PIK3R2: variants seen among roughly 807,000 people sequenced by gnomAD.
PIK3R2 encodes the protein phosphoinositide-3-kinase regulatory subunit 2.
In PIK3R2, 40 loss-of-function variants were observed where a neutral mutation model predicts 78.5. The observed-to-expected ratio is 0.51, with a 90% CI of 0.40 to 0.66. PIK3R2 has a LOEUF of 0.66. Among genes scored for constraint, PIK3R2 ranks in the 30% least tolerant of loss-of-function variants. PIK3R2 has a pLI of 0.00. For missense variants in PIK3R2, 880 were observed against 1,026.6 expected, an observed-to-expected ratio of 0.86 and a Z score of 1.95; for synonymous variants, 473 against 457.7, an observed-to-expected ratio of 1.03 and a Z score of -0.43.
chr19:18,160,445 T>C (rs1295329960), intron 2 of PIK3R2, 26 bp from the exon 3 acceptor site: 2 of 1,423,490 alleles, frequency 1.4e-6, no homozygotes, highest in African/African-American at 1.4e-5. Flanking sequence ...CCCACCAACA[T>C]GCAACCCCCC....
Position 18,156,649 on chromosome 19 carries a change from C to T in PIK3R2, c.322+448C>T, listed in dbSNP as rs1162642435. Among the ~76,000 whole-genome samples the T allele has an allele frequency of 2.0e-5, 3 of 152,164 alleles. No homozygotes were observed. Among genetic ancestry groups the T allele is most frequent in the African/African-American group, 7.2e-5 (3 of 41,426 alleles). On this transcript the variant is annotated intron_variant, in intron 2 of 15. Transcript: ENST00000222254. The surrounding 1 kb of genome is among the most constrained non-coding windows in gnomAD (Gnocchi z 4.2). ...GTTCAGTAGGATTCAGAGGCTCAGCCTAGCTTCATCCTGCCTTTTGCAGAC... is the reference window on the plus strand; with the variant it reads ...GTTCAGTAGGATTCAGAGGCTCAGCTTAGCTTCATCCTGCCTTTTGCAGAC...
chr19:18,165,988 G>T, intron 11 of PIK3R2, 172 bp from the exon 12 acceptor site: 1 of 827,008 alleles, frequency 1.2e-6, no homozygotes, highest in South Asian at 1.3e-5. Context: ...GGGGGGTGGG[G>T]TTTTGAAGGC....
In PIK3R2 at chr19:18,155,986, C is replaced by T. The variant is rs768075445; in HGVS notation, c.107C>T (p.Ala36Val). Residue 36 changes from alanine to valine, a missense_variant, in exon 2 of 16, where the codon GCG (alanine) becomes GTG (valine). By Grantham distance (64) the Ala-to-Val change is moderately conservative. Around this residue, in one of 3 missense-constraint regions of PIK3R2, gnomAD observed 456 missense variants for 486.6 expected, o/e 0.94. Coordinates refer to ENST00000222254, the MANE Select transcript of PIK3R2 (RefSeq NM_005027.4). The part of the protein sequence containing the change: ...LPGDVLVVSR[A>V]ALQALGVAEG... ...GGCGACGTGCTGGTAGTGAGCCGGG[C>T]GGCCTTGCAGGCGCTGGGCGTGGCC... 1.5e-5 allele frequency: 23 copies of T among 1,561,104 alleles called. No individual in the cohort carries two copies. Among genetic ancestry groups the T allele is most frequent in the African/African-American group, 4.1e-5 (3 of 73,514 alleles).
At position 18,162,425 on chromosome 19, in the gene PIK3R2, A is replaced by C; in HGVS notation, c.1028A>C (p.Lys343Thr). Residue 343 changes from lysine (K) to threonine (T), a missense_variant, in exon 9 of 16, where the codon AAA becomes ACA. This residue lies in a region of PIK3R2 where 156 missense variants were observed against 241.0 expected (regional missense o/e 0.65). Transcript: ENST00000222254. The stretch of plus-strand genomic sequence containing the variant: ...TCCCACAGGGAGGAGGTGAACGAGA[A>C]ACTCCGGGACACTCCCGATGGCACC... ...GDISREEVNE[K>T]LRDTPDGTFL... is the part of the protein sequence containing the mutation. 1 of 1,613,472 alleles carries C rather than the reference A, an allele frequency of 6.2e-7. No homozygotes were observed. The highest frequency in any genetic ancestry group is 8.5e-7 in the Non-Finnish European group (1 of 1,179,948).
Position 18,168,544 on chromosome 19 carries a change from GGAGT to G in PIK3R2, c.1808+5_1808+8del. 1 of 781,794 alleles carries G rather than the reference GGAGT, an allele frequency of 1.3e-6. No individual in the cohort carries two copies. The highest frequency in any genetic ancestry group is 2.4e-6 in the Non-Finnish European group (1 of 419,266). 48.4% of individuals were successfully genotyped at this position (781,794 alleles called of 1,614,324 possible). On this transcript the variant is annotated splice_donor_variant and coding_sequence_variant, in exon 14 of 16. Coordinates refer to ENST00000222254, the MANE Select transcript of PIK3R2 (RefSeq NM_005027.4). LOFTEE classifies it high-confidence loss of function. This position sits in a 1 kb window ranked among gnomAD's most constrained non-coding sequence, Gnocchi z 4.1. ...GGCTGGGGATTAAAAATGAGACTGA[GGAGT>G]GAGTGACCGTCTGGAGGGAGGCAGG...
At position 18,161,811 on chromosome 19, in the gene PIK3R2, C is replaced by T. The variant is rs1305130465; in HGVS notation, c.816-155C>T. On this transcript the variant is annotated intron_variant, in intron 6 of 15. Transcript: ENST00000222254. The surrounding 1 kb of genome is among the most constrained non-coding windows in gnomAD (Gnocchi z 5.3). ...CTTACTGCATACAGCTATGAGGGAG[C>T]TGGCCTCGCACATGTGCCTGTATCA... Among the ~76,000 whole-genome samples the T allele has an allele frequency of 1.3e-5, 2 of 152,230 alleles. No individual in the cohort carries two copies. Among genetic ancestry groups the T allele is most frequent in the Non-Finnish European group, 2.9e-5 (2 of 68,024 alleles).
chr19:18,164,709 C>A (rs2043789641), intron 11 of PIK3R2, among the ~76,000 whole-genome samples: 2 of 148,008 alleles, frequency 1.4e-5, no homozygotes, highest in Non-Finnish European at 3.0e-5. Flanking sequence ...GATCTCAGCT[C>A]ACTGCAACCT....
Position 18,160,973 on chromosome 19 carries a change from AAGGGG to A in PIK3R2, c.466+7_466+11del. 6.2e-7 allele frequency: 1 copy of A among 1,612,808 alleles called. No homozygotes were observed. The highest frequency in any genetic ancestry group is 8.5e-7 in the Non-Finnish European group (1 of 1,179,752). On this transcript the variant is annotated splice_donor_5th_base_variant and intron_variant, in intron 4 of 15. Coordinates refer to ENST00000222254, the MANE Select transcript of PIK3R2 (RefSeq NM_005027.4). ...GAGCTGCCCGCACCGCGTACAGGTG[AAGGGG>A]AGCCTCAATGGGGTTGGGAGGAGGC... is the stretch of plus-strand genomic sequence containing the variant.
In PIK3R2 at chr19:18,161,335, G is replaced by A. The variant is rs867576830; in HGVS notation, c.655G>A (p.Ala219Thr). Residue 219 changes from alanine (A) to threonine (T), a missense_variant, in exon 6 of 16, where the codon GCG (alanine) becomes ACG (threonine). Physicochemically the swap from Ala to Thr is moderately conservative, Grantham distance 58 (BLOSUM62 0). Coordinates refer to ENST00000222254, the MANE Select transcript of PIK3R2 (RefSeq NM_005027.4). The surrounding 1 kb of genome is among the most constrained non-coding windows in gnomAD (Gnocchi z 5.3). ...GCCACCGACGCTGCCGCTGCACCGC[G>A]CGCTCACGCTGCGCTTCCTGCTCCA... ...LEPPTLPLHR[A>T]LTLRFLLQHL... is the part of the protein sequence containing the mutation. 1.1e-5 allele frequency: 14 copies of A among 1,328,858 alleles called. No individual in the cohort carries two copies. In the Middle Eastern group the frequency reaches 8.4e-4, roughly 80 times the overall value. 82.3% of individuals were successfully genotyped at this position (1,328,858 alleles called of 1,614,324 possible).
At position 18,161,567 on chromosome 19, in the gene PIK3R2, T is replaced by C. The variant is rs1278343156; in HGVS notation, c.815+72T>C. ...TGGGGCGGGCGGGGCATGGCCAGAG[T>C]GAGCGGCGTCTAGACCCTAAGAAGG... On this transcript the variant is annotated intron_variant, in intron 6 of 15. Transcript: ENST00000222254. This position sits in a 1 kb window ranked among gnomAD's most constrained non-coding sequence, Gnocchi z 5.3. 1.9e-6 allele frequency: 1 copy of C among 513,892 alleles called. No individual in the cohort carries two copies. The highest frequency in any genetic ancestry group is 2.9e-6 in the Non-Finnish European group (1 of 339,926). 31.8% of individuals were successfully genotyped at this position (513,892 alleles called of 1,614,324 possible).
Position 18,167,900 on chromosome 19 carries a change from A to G in PIK3R2, c.1737-575A>G, listed in dbSNP as rs1434705340. ...GAAAAAAAAAATCGCCTGCTGTGCA[A>G]CCTACCATGCTGGGTGGCTGCGGCA... On this transcript the variant is annotated intron_variant, in intron 13 of 15. Coordinates refer to ENST00000222254, the MANE Select transcript of PIK3R2 (RefSeq NM_005027.4). This position sits in a 1 kb window ranked among gnomAD's most constrained non-coding sequence, Gnocchi z 4.5. Among the ~76,000 whole-genome samples the G allele has an allele frequency of 6.6e-6, 1 of 152,054 alleles. No homozygotes were observed. Among genetic ancestry groups the G allele is most frequent in the East Asian group, 1.9e-4 (1 of 5,190 alleles).
In PIK3R2 at chr19:18,164,413, G is replaced by A. The variant is rs577628855; in HGVS notation, c.1416+1025G>A. Reference sequence around the variant, plus strand: ...TCCCAGCTACTCGGAAGGCTGAGGCGGGAGGATCGCTTGAGCCCAGGAGTT... The same window carrying A: ...TCCCAGCTACTCGGAAGGCTGAGGCAGGAGGATCGCTTGAGCCCAGGAGTT... On this transcript the variant is annotated intron_variant, in intron 11 of 15. Coordinates refer to ENST00000222254, the MANE Select transcript of PIK3R2 (RefSeq NM_005027.4). Among the ~76,000 whole-genome samples the A allele has an allele frequency of 5.3e-5, 8 of 151,882 alleles. No individual in the cohort carries two copies. The South Asian group carries it at 8.3e-4, about 16-fold the overall frequency.
intron 11 of PIK3R2, 177 bp from the exon 12 acceptor site, chr19:18,165,983 G>A (rs2043805724): frequency 2.5e-6 from 2 of 785,114 alleles, no homozygotes; most frequent in Non-Finnish European, 4.5e-6. Context: ...GGTTTGGGGG[G>A]TGGGGTTTTG....
At chr19:18,163,507 C>A in intron 11 of PIK3R2, 119 bp downstream of exon 11, 3 of 1,088,510 alleles carry the variant, frequency 2.8e-6, no homozygotes, top group Non-Finnish European at 1.3e-6. Flanking sequence ...GGTCACAGAG[C>A]AGGCACTTAG....
chr19:18,169,241 C>G lies in PIK3R2; in HGVS notation c.2134C>G (p.Leu712Val). ...GCACAACGACGCGCTCACCGTCACC[C>G]TGGCGCACCCAGTGCGCGCCCCGGG... The part of the protein sequence containing the change: ...VQHNDALTVT[L>V]AHPVRAPGPG... Residue 712 changes from leucine (L) to valine (V), a missense_variant, in exon 16 of 16, where the codon CTG becomes GTG. Coordinates refer to ENST00000222254, the MANE Select transcript of PIK3R2 (RefSeq NM_005027.4). 3 of 1,587,470 alleles carry G rather than the reference C, an allele frequency of 1.9e-6. No individual in the cohort carries two copies. The highest frequency in any genetic ancestry group is 1.7e-6 in the Non-Finnish European group (2 of 1,173,916).
chr19:18,155,584 C>A lies in PIK3R2; in HGVS notation c.-296C>A. 1 of 499,746 alleles carries A rather than the reference C, an allele frequency of 2.0e-6. No individual in the cohort carries two copies. The highest frequency in any genetic ancestry group is 3.2e-5 in the South Asian group (1 of 31,552). 31.0% of individuals were successfully genotyped at this position (499,746 alleles called of 1,614,324 possible). The stretch of plus-strand genomic sequence containing the variant: ...CGTGTGAGGGCGTGAGCGGCCTGCC[C>A]CAGCCTCACCTGCTGATGGAGGACT... On this transcript the variant is annotated 5_prime_UTR_variant, in exon 2 of 16. Transcript: ENST00000222254.
chr19:18,162,711 C>T (rs1195045106), intron 9 of PIK3R2: 2 of 605,126 alleles, frequency 3.3e-6, no homozygotes, highest in East Asian at 5.6e-5. Context: ...TGGTGAAACC[C>T]CGTCTCTACT....
Position 18,163,004 on chromosome 19 carries a change from C to G in PIK3R2, c.1147C>G (p.Arg383Gly), listed in dbSNP as rs752673598. 6.2e-7 allele frequency: 1 copy of G among 1,613,954 alleles called. No individual in the cohort carries two copies. Among genetic ancestry groups the G allele is most frequent in the Non-Finnish European group, 8.5e-7 (1 of 1,179,984 alleles). Reference protein sequence around the residue: ...GNNKLIKVFHRDGHYGFSEPL... With the variant: ...GNNKLIKVFHGDGHYGFSEPL... ...CAATAAGCTGATCAAGGTCTTCCAC[C>G]GAGATGGGCACTATGGCTTCTCAGA... Residue 383 changes from arginine to glycine, a missense_variant, in exon 10 of 16, where the codon CGA (arginine) becomes GGA (glycine). By Grantham distance (125) the Arg-to-Gly change is moderately radical (BLOSUM62 -2). Coordinates refer to ENST00000222254, the MANE Select transcript of PIK3R2 (RefSeq NM_005027.4).
rs778506562 is a variant in PIK3R2 at position 18,163,039 on chromosome 19, C to T, written c.1182C>T (p.Thr394=). The change falls in exon 10 of 16, where the codon ACC becomes ACT. Residue 394 remains threonine, a synonymous_variant. Coordinates refer to ENST00000222254, the MANE Select transcript of PIK3R2 (RefSeq NM_005027.4). ...ACTATGGCTTCTCAGAGCCACTCAC[C>T]TTCTGCTCCGTTGTGGACCTCATCA... ...DGHYGFSEPL[T]FCSVVDLINH... is the part of the protein sequence containing the mutation. The T allele has an allele frequency of 1.2e-6, 2 of 1,613,950 alleles. No homozygotes were observed. Among genetic ancestry groups the T allele is most frequent in the Admixed American group, 3.3e-5 (2 of 60,004 alleles).
Sources: allele counts gnomAD v4.1 joint callset (sites outside exome capture counted in the v4.1 genomes callset), GRCh38; gene constraint gnomAD v4.1.1; regional missense constraint gnomAD v4.1.1; non-coding constraint Gnocchi (gnomAD v3.1); transcripts MANE v1.5; gene names NCBI Gene and HGNC (gene_info 2026-07-23, HGNC 2026-07-21).